MID1IP1: variants seen among roughly 807,000 people sequenced by gnomAD.
MID1IP1 encodes MID1 interacting protein 1, also known as mid1-interacting protein 1.
A neutral mutation model predicts 6.8 loss-of-function variants in MID1IP1; 3 were observed. The ratio of observed to expected loss-of-function variants is 0.44; its 90% CI spans 0.20 to 1.14. The LOEUF is 1.14. Among genes scored for constraint, MID1IP1 ranks in the 50% most tolerant of loss-of-function variants. MID1IP1 has a pLI of 0.26. For synonymous variants in MID1IP1, 87 were observed against 70.4 expected (o/e 1.24, Z -1.18); for missense variants, 127 against 158.4 (o/e 0.80, Z 1.06).
At position 38,803,244 on chromosome X, in the gene MID1IP1, T is replaced by G. The variant is rs2070474515; in HGVS notation, c.-1434T>G. 8.9e-6 allele frequency: 1 copy of G among 112,626 alleles called. No homozygotes were observed. Among genetic ancestry groups the G allele is most frequent in the Non-Finnish European group, 1.9e-5 (1 of 53,305 alleles). The allele number at this position is 112,626 out of a possible 1,213,427, so 9.3% of individuals were successfully genotyped here. A position where few individuals can be genotyped will look rare whatever the true frequency, so the allele number is the denominator to read the frequency against. ...AAATCCAGCGATTCGGTACATAGCTTAGGCCCTATTAAATGACCCAGTGCT... is the reference window on the plus strand; with the variant it reads ...AAATCCAGCGATTCGGTACATAGCTGAGGCCCTATTAAATGACCCAGTGCT... On this transcript the variant is annotated 5_prime_UTR_variant, in exon 2 of 3. Transcript: ENST00000614558.
chrX:38,805,106 G>A lies in MID1IP1; in HGVS notation c.160G>A (p.Val54Met). The A allele has an allele frequency of 1.7e-6, 2 of 1,211,035 alleles. No homozygotes were observed. Among genetic ancestry groups the A allele is most frequent in the South Asian group, 1.8e-5 (1 of 56,839 alleles). The change falls in exon 3 of 3, where the codon GTG becomes ATG. Residue 54 changes from valine (V) to methionine (M), a missense_variant. Physicochemically the swap from Val to Met is conservative, Grantham distance 21. Coordinates refer to ENST00000614558, the MANE Select transcript of MID1IP1 (RefSeq NM_021242.6). Reference protein sequence around the residue: ...ADPGLDNDVGVEVGGSGGCLE... With the variant: ...ADPGLDNDVGMEVGGSGGCLE... ...CCCCGGGTTAGACAACGATGTTGGC[G>A]TGGAGGTAGGCGGCAGTGGCGGCTG...
chrX:38,803,853 G>C lies in MID1IP1; in HGVS notation c.-825G>C, dbSNP rs905534179. 1 of 113,344 alleles carries C rather than the reference G, an allele frequency of 8.8e-6. No individual in the cohort carries two copies. The highest frequency in any genetic ancestry group is 3.2e-5 in the African/African-American group (1 of 31,218). The allele number at this position is 113,344 out of a possible 1,213,427, so 9.3% of individuals were successfully genotyped here. A position where few individuals can be genotyped will look rare whatever the true frequency, so the allele number is the denominator to read the frequency against. On this transcript the variant is annotated 5_prime_UTR_variant, in exon 2 of 3. Transcript: ENST00000614558. ...CTGCAACCAAGGCACGTGCATTCTG[G>C]TCATCCCACGCGGGGAGCGCGCGCA... is the stretch of plus-strand genomic sequence containing the variant.
In MID1IP1 at chrX:38,805,625, A is replaced by T; in HGVS notation, c.*127A>T. ...CAGACTGCAAACTGGGGGGCTGCGT[A>T]CGTGCAGGAGGCGCGGTGGGGCTGC... On this transcript the variant is annotated 3_prime_UTR_variant, in exon 3 of 3. Coordinates refer to ENST00000614558, the MANE Select transcript of MID1IP1 (RefSeq NM_021242.6). 1.6e-6 allele frequency: 1 copy of T among 626,190 alleles called. No homozygotes were observed. The highest frequency in any genetic ancestry group is 3.6e-5 in the Admixed American group (1 of 27,574). 51.6% of individuals were successfully genotyped at this position (626,190 alleles called of 1,213,427 possible). A position where few individuals can be genotyped will look rare whatever the true frequency, so the allele number is the denominator to read the frequency against.
At position 38,804,824 on chromosome X, in the gene MID1IP1, C is replaced by A; in HGVS notation, c.-123C>A. The A allele has an allele frequency of 1.4e-6, 1 of 725,110 alleles. No individual in the cohort carries two copies. Among genetic ancestry groups the A allele is most frequent in the Non-Finnish European group, 1.9e-6 (1 of 514,138 alleles). 59.8% of individuals were successfully genotyped at this position (725,110 alleles called of 1,213,427 possible). A position where few individuals can be genotyped will look rare whatever the true frequency, so the allele number is the denominator to read the frequency against. ...CGGAGGAGTGCCGGGAATCCCGCCA[C>A]ACCGGCTATAGCCAGGCCCCCAGCG... On this transcript the variant is annotated 5_prime_UTR_variant, in exon 3 of 3. Coordinates refer to ENST00000614558, the MANE Select transcript of MID1IP1 (RefSeq NM_021242.6).
intron 2 of MID1IP1, 100 bp from the exon 3 acceptor site, chrX:38,804,583 G>C (rs943109440): frequency 4.5e-5 from 7 of 154,952 alleles, no homozygotes; most frequent in South Asian, 3.1e-4. Context: ...CGTCCCGGAC[G>C]AGCTGTAGCC....
Position 38,805,318 on chromosome X carries a change from G to C in MID1IP1, c.372G>C (p.Lys124Asn). The C allele has an allele frequency of 8.3e-7, 1 of 1,208,380 alleles. No individual in the cohort carries two copies. Among genetic ancestry groups the C allele is most frequent in the Non-Finnish European group, 1.1e-6 (1 of 893,966 alleles). ...GSEEGSAWKSKDILVDLGHLE... is the reference protein window; with the variant it reads ...GSEEGSAWKSNDILVDLGHLE... ...AGGAGGGCAGTGCCTGGAAGTCCAAGGACATCCTGGTGGACCTGGGCCACT... is the reference window on the plus strand; with the variant it reads ...AGGAGGGCAGTGCCTGGAAGTCCAACGACATCCTGGTGGACCTGGGCCACT... Residue 124 changes from lysine (K) to asparagine (N), a missense_variant, in exon 3 of 3, where the codon AAG (lysine) becomes AAC (asparagine). Lys to Asn is a moderately conservative substitution (Grantham distance 94). Coordinates refer to ENST00000614558, the MANE Select transcript of MID1IP1 (RefSeq NM_021242.6).
Position 38,804,664 on chromosome X carries a change from G to C in MID1IP1, c.-264-19G>C, listed in dbSNP as rs1362750332. ...GGTGAATAATCTAATCTGTTCTTTC[G>C]TCTCCGTGTATCAAACAGGCCAGGG... On this transcript the variant is annotated intron_variant, in intron 2 of 2. Transcript: ENST00000614558. 5.2e-5 allele frequency: 16 copies of C among 308,399 alleles called. No homozygotes were observed. Among genetic ancestry groups the C allele is most frequent in the Non-Finnish European group, 9.1e-5 (16 of 175,648 alleles). The allele number at this position is 308,399 out of a possible 1,213,427, so 25.4% of individuals were successfully genotyped here. A position where few individuals can be genotyped will look rare whatever the true frequency, so the allele number is the denominator to read the frequency against.
Position 38,805,887 on chromosome X carries a change from C to G in MID1IP1, c.*389C>G, listed in dbSNP as rs968908502. 4 of 172,384 alleles carry G rather than the reference C, an allele frequency of 2.3e-5. No individual in the cohort carries two copies. Among genetic ancestry groups the G allele is most frequent in the Non-Finnish European group, 4.7e-5 (4 of 84,992 alleles). The allele number at this position is 172,384 out of a possible 1,213,427, so 14.2% of individuals were successfully genotyped here. A position where few individuals can be genotyped will look rare whatever the true frequency, so the allele number is the denominator to read the frequency against. On this transcript the variant is annotated 3_prime_UTR_variant, in exon 3 of 3. Coordinates refer to ENST00000614558, the MANE Select transcript of MID1IP1 (RefSeq NM_021242.6). ...GGGTTGCCACACTTGGGAAAGCAGC[C>G]CGGAGCTGGGTGCTGGGGAAGGCGG...
chrX:38,804,436 TG>T (rs1189748214), intron 2 of MID1IP1, 23 bp downstream of exon 2: 1 of 114,564 alleles, frequency 8.7e-6, no homozygotes, highest in Non-Finnish European at 1.8e-5. Flanking sequence ...GCCCCATCGC[TG>T]CCCCGGCCAG....
At chrX:38,804,619 G>C (rs1053358082) in intron 2 of MID1IP1, 64 bp from the exon 3 acceptor site, 8 of 204,457 alleles carry the variant, frequency 3.9e-5, no homozygotes, top group African/African-American at 2.3e-4. Context: ...CGCGGGCAAG[G>C]GCGCCAGGCC....
In MID1IP1 at chrX:38,804,834, A is replaced by T; in HGVS notation, c.-113A>T. On this transcript the variant is annotated 5_prime_UTR_variant, in exon 3 of 3. Transcript: ENST00000614558. ...CCGGGAATCCCGCCACACCGGCTATAGCCAGGCCCCCAGCGCGGGCCTTGG... is the reference window on the plus strand; with the variant it reads ...CCGGGAATCCCGCCACACCGGCTATTGCCAGGCCCCCAGCGCGGGCCTTGG... 1.3e-6 allele frequency: 1 copy of T among 799,863 alleles called. No homozygotes were observed. The highest frequency in any genetic ancestry group is 1.7e-6 in the Non-Finnish European group (1 of 573,904). 65.9% of individuals were successfully genotyped at this position (799,863 alleles called of 1,213,427 possible). A position where few individuals can be genotyped will look rare whatever the true frequency, so the allele number is the denominator to read the frequency against.
Position 38,805,818 on chromosome X carries a change from C to T in MID1IP1, c.*320C>T, listed in dbSNP as rs767406073. The T allele has an allele frequency of 4.0e-5, 11 of 272,737 alleles. No individual in the cohort carries two copies. The highest frequency in any genetic ancestry group is 2.5e-4 in the Admixed American group (4 of 16,067). The allele number at this position is 272,737 out of a possible 1,213,427, so 22.5% of individuals were successfully genotyped here. On this transcript the variant is annotated 3_prime_UTR_variant, in exon 3 of 3. Coordinates refer to ENST00000614558, the MANE Select transcript of MID1IP1 (RefSeq NM_021242.6). ...CCTGGGGTTTCTTTTCTGTTCTTTTCGGAGGAGAGGGCCCGAGAAGGGGCC... is the reference window on the plus strand; with the variant it reads ...CCTGGGGTTTCTTTTCTGTTCTTTTTGGAGGAGAGGGCCCGAGAAGGGGCC...
chrX:38,805,568 T>C lies in MID1IP1; in HGVS notation c.*70T>C. 1.9e-6 allele frequency: 2 copies of C among 1,032,013 alleles called. No individual in the cohort carries two copies. The highest frequency in any genetic ancestry group is 2.6e-6 in the Non-Finnish European group (2 of 760,877). 85.0% of individuals were successfully genotyped at this position (1,032,013 alleles called of 1,213,427 possible). A position where few individuals can be genotyped will look rare whatever the true frequency, so the allele number is the denominator to read the frequency against. The stretch of plus-strand genomic sequence containing the variant: ...ACCCTCTCTCATTCCTCAAAGCTTT[T>C]TTTTTTTTTCCTGGCTGGGGGGCGG... On this transcript the variant is annotated 3_prime_UTR_variant, in exon 3 of 3. Coordinates refer to ENST00000614558, the MANE Select transcript of MID1IP1 (RefSeq NM_021242.6).
Position 38,805,252 on chromosome X carries a change from G to T in MID1IP1, c.306G>T (p.Glu102Asp). Reference sequence around the variant, plus strand: ...TCAAGTCCATCCGCAACGACATCGAGTGGGGGGTCCTGCACCAGCCGCCTC... The same window carrying T: ...TCAAGTCCATCCGCAACGACATCGATTGGGGGGTCCTGCACCAGCCGCCTC... ...VLLKSIRNDIEWGVLHQPPPP... is the reference protein window; with the variant it reads ...VLLKSIRNDIDWGVLHQPPPP... Residue 102 changes from glutamate (E) to aspartate (D), a missense_variant, in exon 3 of 3, where the codon GAG becomes GAT. Physicochemically the swap from Glu to Asp is conservative, Grantham distance 45. Coordinates refer to ENST00000614558, the MANE Select transcript of MID1IP1 (RefSeq NM_021242.6). 8.3e-7 allele frequency: 1 copy of T among 1,201,418 alleles called. No individual in the cohort carries two copies. The highest frequency in any genetic ancestry group is 1.1e-6 in the Non-Finnish European group (1 of 889,205).
In MID1IP1 at chrX:38,805,574, T is replaced by G; in HGVS notation, c.*76T>G. ...TCTCATTCCTCAAAGCTTTTTTTTT[T>G]TTTCCTGGCTGGGGGGCGGGAAGGG... On this transcript the variant is annotated 3_prime_UTR_variant, in exon 3 of 3. Coordinates refer to ENST00000614558, the MANE Select transcript of MID1IP1 (RefSeq NM_021242.6). The G allele has an allele frequency of 1.0e-6, 1 of 1,002,324 alleles. No homozygotes were observed. Among genetic ancestry groups the G allele is most frequent in the South Asian group, 2.3e-5 (1 of 44,194 alleles). 82.6% of individuals were successfully genotyped at this position (1,002,324 alleles called of 1,213,427 possible). A position where few individuals can be genotyped will look rare whatever the true frequency, so the allele number is the denominator to read the frequency against.
At position 38,805,496 on chromosome X, in the gene MID1IP1, T is replaced by C; in HGVS notation, c.550T>C (p.Ter184ArgextTer141). Residue 184 changes from the stop codon to arginine (R), a stop_lost, in exon 3 of 3, where the codon TGA becomes CGA. Transcript: ENST00000614558. ...GATCGGCTTCGGCAATTGGGGCCAC[T>C]GAGGCGTGGCGCCCGTGGCTGCCCA... is the stretch of plus-strand genomic sequence containing the variant. ...QEIGFGNWGH[*>R] 8.3e-7 allele frequency: 1 copy of C among 1,203,753 alleles called. No homozygotes were observed. The highest frequency in any genetic ancestry group is 1.1e-6 in the Non-Finnish European group (1 of 890,174).
At position 38,804,866 on chromosome X, in the gene MID1IP1, C is replaced by T. The variant is rs1295896349; in HGVS notation, c.-81C>T. 14 of 1,032,909 alleles carry T rather than the reference C, an allele frequency of 1.4e-5. No homozygotes were observed. Among genetic ancestry groups the T allele is most frequent in the Middle Eastern group, 5.4e-4 (2 of 3,680 alleles). 85.1% of individuals were successfully genotyped at this position (1,032,909 alleles called of 1,213,427 possible). ...CCCCCAGCGCGGGCCTTGGAGAGCG[C>T]GTGAAGGCGGGCATCCCCTTGACCC... On this transcript the variant is annotated 5_prime_UTR_variant, in exon 3 of 3. Transcript: ENST00000614558.
At chrX:38,802,028 G>A (rs1399358472) in intron 1 of MID1IP1, among the ~76,000 whole-genome samples, 1 of 111,682 alleles carries the variant, frequency 9.0e-6, no homozygotes, top group Non-Finnish European at 1.9e-5. Flanking sequence ...TTATTTTCCT[G>A]CTTAAGCACT....
Position 38,802,709 on chromosome X carries a change from A to G in MID1IP1, c.-1969A>G, listed in dbSNP as rs1011748625. The G allele has an allele frequency of 1.8e-5, 2 of 111,728 alleles. No homozygotes were observed. The highest frequency in any genetic ancestry group is 1.9e-4 in the Admixed American group (2 of 10,632). The allele number at this position is 111,728 out of a possible 1,213,427, so 9.2% of individuals were successfully genotyped here. A position where few individuals can be genotyped will look rare whatever the true frequency, so the allele number is the denominator to read the frequency against. On this transcript the variant is annotated 5_prime_UTR_variant, in exon 2 of 3. Coordinates refer to ENST00000614558, the MANE Select transcript of MID1IP1 (RefSeq NM_021242.6). Reference sequence around the variant, plus strand: ...TTTTTGTCCCGTGGGAAAAAACTGTACTAGGGACAGAGACCTCTGTTAAGT... The same window carrying G: ...TTTTTGTCCCGTGGGAAAAAACTGTGCTAGGGACAGAGACCTCTGTTAAGT...
Sources: gnomAD v4.1 joint callset for allele counts (sites outside exome capture counted in the v4.1 genomes callset) on GRCh38, gnomAD v4.1.1 for gene constraint, MANE v1.5 for transcripts, NCBI Gene and HGNC (gene_info 2026-07-23, HGNC 2026-07-21) for gene names.